Variants in DPYSL5 observed in about 807,000 individuals in gnomAD.
DPYSL5 encodes dihydropyrimidinase like 5, also known as dihydropyrimidinase-related protein 5.
Under a neutral mutation model 58.4 loss-of-function variants are expected in DPYSL5, and 9 were observed. The ratio of observed to expected loss-of-function variants is 0.15; its 90% CI spans 0.09 to 0.27. The LOEUF (loss-of-function observed/expected upper bound fraction) is 0.27. Ranked by LOEUF, DPYSL5 falls within the 10% of genes least tolerant of loss-of-function variation. DPYSL5 has a pLI of 1.00. For synonymous variants in DPYSL5, 293 were observed against 301.9 expected (o/e 0.97, Z 0.31); for missense variants, 499 against 770.6 (o/e 0.65, Z 4.17).
intron 1 of DPYSL5, among the ~76,000 whole-genome samples, chr2:26,891,062 C>T (rs761955983): frequency 3.3e-5 from 5 of 152,168 alleles, no homozygotes; most frequent in African/African-American, 7.2e-5. Context: ...ACTCTAGAGA[C>T]GAACTGTCTG....
chr2:26,888,783 A>G (rs471905), intron 1 of DPYSL5, among the ~76,000 whole-genome samples: 74,858 of 151,656 alleles, frequency 0.49, 19,760 homozygotes, highest in African/African-American at 0.68. Context: ...TGTTACTTAC[A>G]TTGCTCATTT....
chr2:26,927,688 T>TA lies in DPYSL5; in HGVS notation c.600+257dup, dbSNP rs1558348627. Among the ~76,000 whole-genome samples, 1 of 152,242 alleles carries TA rather than the reference T, an allele frequency of 6.6e-6. No homozygotes were observed. Among genetic ancestry groups the TA allele is most frequent in the African/African-American group, 2.4e-5 (1 of 41,462 alleles). ...GGTGATGATGTCTTAATTCTAATGATATGAGATTTAAATTCCATTATAGCA... is the reference window on the plus strand; with the variant it reads ...GGTGATGATGTCTTAATTCTAATGATAATGAGATTTAAATTCCATTATAGCA... On this transcript the variant is annotated intron_variant, in intron 4 of 12. Transcript: ENST00000288699. The surrounding 1 kb of genome is among the most constrained non-coding windows in gnomAD (Gnocchi z 4.3).
intron 2 of DPYSL5, among the ~76,000 whole-genome samples, chr2:26,920,017 A>T (rs963725639): frequency 1.3e-5 from 2 of 152,244 alleles, no homozygotes; most frequent in Admixed American, 6.5e-5. Flanking sequence ...TATTATTTGT[A>T]TAATTTTTTT....
rs1172939708 is a variant in DPYSL5 at position 26,848,204 on chromosome 2, G to C, written c.-55G>C. 1 of 151,766 alleles carries C rather than the reference G, an allele frequency of 6.6e-6. No homozygotes were observed. The highest frequency in any genetic ancestry group is 2.1e-4 in the South Asian group (1 of 4,826). 9.4% of individuals were successfully genotyped at this position (151,766 alleles called of 1,614,324 possible). A position where few individuals can be genotyped will look rare whatever the true frequency, so the allele number is the denominator to read the frequency against. ...ACCCGCAGCTCCGGCGCCGCGGCGA[G>C]ACGGAGACGGACCGAGCCACGGGCC... On this transcript the variant is annotated 5_prime_UTR_variant, in exon 1 of 13. Coordinates refer to ENST00000288699, the MANE Select transcript of DPYSL5 (RefSeq NM_020134.4).
chr2:26,884,135 G>A (rs1663646331), intron 1 of DPYSL5, among the ~76,000 whole-genome samples: 1 of 152,216 alleles, frequency 6.6e-6, no homozygotes, highest in South Asian at 2.1e-4. Context: ...GCACAGCAGG[G>A]CTGAGTTATC....
At chr2:26,875,060 C>A (rs1402925158) in intron 1 of DPYSL5, among the ~76,000 whole-genome samples, 1 of 152,140 alleles carries the variant, frequency 6.6e-6, no homozygotes, top group Non-Finnish European at 1.5e-5. Flanking sequence ...TTAAATTCAT[C>A]CTGTTTTCTA....
chr2:26,940,150 G>C lies in DPYSL5; in HGVS notation c.1067G>C (p.Ser356Thr), dbSNP rs1271533089. 6.2e-7 allele frequency: 1 copy of C among 1,614,018 alleles called. No individual in the cohort carries two copies. Among genetic ancestry groups the C allele is most frequent in the Admixed American group, 1.7e-5 (1 of 59,998 alleles). Residue 356 changes from serine to threonine, a missense_variant, in exon 9 of 13, where the codon AGC becomes ACC. Transcript: ENST00000288699. ...GTGAGTGGCGTGCAGGACCGCATGA[G>C]CGTCATCTGGGAGAGAGGAGTGGTA... is the stretch of plus-strand genomic sequence containing the variant. Reference protein sequence around the residue: ...HGVSGVQDRMSVIWERGVVGG... With the variant: ...HGVSGVQDRMTVIWERGVVGG...
At chr2:26,932,095 AAGAG>A (rs144990873) in intron 6 of DPYSL5, among the ~76,000 whole-genome samples, 18,841 of 59,290 alleles carry the variant, frequency 0.32, 3,944 homozygotes, top group East Asian at 0.52. Context: ...AGAAAAAAGA[AAGAG>A]AAAGAAAGAA....
At chr2:26,887,596 T>G (rs1421054613) in intron 1 of DPYSL5, among the ~76,000 whole-genome samples, 1 of 152,234 alleles carries the variant, frequency 6.6e-6, no homozygotes, top group Non-Finnish European at 1.5e-5. Context: ...CATAACTTTG[T>G]CCACTCAGCA....
intron 1 of DPYSL5, among the ~76,000 whole-genome samples, chr2:26,854,228 G>T (rs1483558223): frequency 2.6e-5 from 4 of 152,164 alleles, no homozygotes; most frequent in Non-Finnish European, 5.9e-5. Flanking sequence ...GGAGGTCGAG[G>T]CAGGAAGATC....
Position 26,934,520 on chromosome 2 carries a change from C to A in DPYSL5, c.791-58C>A, listed in dbSNP as rs1194378084. 2 of 1,573,430 alleles carry A rather than the reference C, an allele frequency of 1.3e-6. No individual in the cohort carries two copies. Among genetic ancestry groups the A allele is most frequent in the Non-Finnish European group, 1.7e-6 (2 of 1,159,152 alleles). On this transcript the variant is annotated intron_variant, in intron 7 of 12. Transcript: ENST00000288699. The surrounding 1 kb of genome is among the most constrained non-coding windows in gnomAD (Gnocchi z 4.3). ...CACCTGTAAAATGAGAGGCACACAC[C>A]AGCGATCGCTCAGGTTCGGTGGCTT...
rs1192632809 is a variant in DPYSL5 at position 26,924,624 on chromosome 2, T to C, written c.262-263T>C. Among the ~76,000 whole-genome samples, 1 of 152,126 alleles carries C rather than the reference T, an allele frequency of 6.6e-6. No individual in the cohort carries two copies. Among genetic ancestry groups the C allele is most frequent in the East Asian group, 1.9e-4 (1 of 5,174 alleles). ...AGGCCTTAGGTCGGGTGACCCACGATGTGGTTTTTCCAGCGCGCCAAGCTG... is the reference window on the plus strand; with the variant it reads ...AGGCCTTAGGTCGGGTGACCCACGACGTGGTTTTTCCAGCGCGCCAAGCTG... On this transcript the variant is annotated intron_variant, in intron 2 of 12. Coordinates refer to ENST00000288699, the MANE Select transcript of DPYSL5 (RefSeq NM_020134.4). The surrounding 1 kb of genome is among the most constrained non-coding windows in gnomAD (Gnocchi z 4.7).
chr2:26,945,831 C>G (rs1363391580), intron 12 of DPYSL5, among the ~76,000 whole-genome samples: 1 of 152,252 alleles, frequency 6.6e-6, no homozygotes, highest in Non-Finnish European at 1.5e-5. Flanking sequence ...AACCATCCTG[C>G]TGTGAGAACA....
chr2:26,940,196 C>T (rs373710125), intron 9 of DPYSL5, 24 bp downstream of exon 9: 454 of 1,611,420 alleles, frequency 2.8e-4, no homozygotes, highest in South Asian at 8.1e-4. Context: ...AGCCCCGCCC[C>T]GATCTGATCC....
chr2:26,934,094 T>C lies in DPYSL5; in HGVS notation c.791-484T>C, dbSNP rs1350888179. On this transcript the variant is annotated intron_variant, in intron 7 of 12. Transcript: ENST00000288699. The surrounding 1 kb of genome is among the most constrained non-coding windows in gnomAD (Gnocchi z 4.3). The stretch of plus-strand genomic sequence containing the variant: ...TCTCGCCTAGACTGTCGTCCCAGCC[T>C]GGTGACTGCTCCCACCTCCTGTCTC... Among the ~76,000 whole-genome samples, 2 of 152,160 alleles carry C rather than the reference T, an allele frequency of 1.3e-5. No individual in the cohort carries two copies. The highest frequency in any genetic ancestry group is 6.5e-5 in the Admixed American group (1 of 15,276).
At chr2:26,938,149 G>A (rs143543360) in intron 8 of DPYSL5, among the ~76,000 whole-genome samples, 1 of 152,338 alleles carries the variant, frequency 6.6e-6, no homozygotes, top group East Asian at 1.9e-4. Flanking sequence ...GCAGCACTGA[G>A]AGAGCTCAGA....
intron 1 of DPYSL5, among the ~76,000 whole-genome samples, chr2:26,895,769 CTTT>C (rs1318452957): frequency 5.2e-5 from 7 of 133,828 alleles, no homozygotes; most frequent in Non-Finnish European, 8.0e-5. Flanking sequence ...TTCTCTATTT[CTTT>C]TTCTTTTTTT....
chr2:26,889,987 C>T (rs575931543), intron 1 of DPYSL5, among the ~76,000 whole-genome samples: 126 of 152,238 alleles, frequency 8.3e-4, no homozygotes, highest in Non-Finnish European at 1.6e-3. Flanking sequence ...CACAGCGAGG[C>T]GGGATTGGAC....
At chr2:26,946,265 C>T (rs1665480006) in intron 12 of DPYSL5, among the ~76,000 whole-genome samples, 1 of 152,194 alleles carries the variant, frequency 6.6e-6, no homozygotes, top group South Asian at 2.1e-4. Flanking sequence ...GCAGAACCCC[C>T]GCTCAGACAG....
Sources: gnomAD v4.1 joint callset for allele counts (sites outside exome capture counted in the v4.1 genomes callset) on GRCh38, gnomAD v4.1.1 for gene constraint, Gnocchi (gnomAD v3.1) non-coding constraint, MANE v1.5 for transcripts, NCBI Gene and HGNC (gene_info 2026-07-23, HGNC 2026-07-21) for gene names.